DLGAP5: variants seen among roughly 807,000 people sequenced by gnomAD.
DLGAP5 encodes the protein disks large-associated protein 5.
A neutral mutation model predicts 99.6 loss-of-function variants in DLGAP5; 90 were observed. The observed-to-expected ratio is 0.90, with a 90% CI of 0.76 to 1.08. The LOEUF (loss-of-function observed/expected upper bound fraction) is 1.08, where lower values mean the gene tolerates loss of function less well. DLGAP5 is among the 50% of genes least tolerant of loss of function. The pLI, the probability that DLGAP5 is intolerant of heterozygous loss-of-function variation, is 0.00. For synonymous variants in DLGAP5, 311 were observed against 321.3 expected, an observed-to-expected ratio of 0.97 and a Z score of 0.34; for missense variants, 1,036 against 983.5, an observed-to-expected ratio of 1.05 and a Z score of -0.71.
intron 13 of DLGAP5, 92 bp from the exon 14 acceptor site, chr14:55,158,833 T>C: frequency 6.9e-6 from 6 of 863,426 alleles, no homozygotes; most frequent in Non-Finnish European, 8.8e-6. Flanking sequence ...AAAAATTTAA[T>C]TTTTAAAAAT....
At chr14:55,188,887 A>T in intron 2 of DLGAP5, 55 bp downstream of exon 2, 1 of 1,411,482 alleles carries the variant, frequency 7.1e-7, no homozygotes, top group Non-Finnish European at 9.8e-7. Flanking sequence ...CAGGCATTAA[A>T]CCAACTATTA....
rs757766430 is a variant in DLGAP5 at position 55,189,043 on chromosome 14, C to G, written c.137G>C (p.Gly46Ala). ...HKEYERNRHFGLKDVNIPTLE... is the reference protein window; with the variant it reads ...HKEYERNRHFALKDVNIPTLE... ...GGTTGGAATGTTTACATCTTTCAAA[C>G]CAAAGTGTCTATTTCGTTCGTATTC... The change falls in exon 2 of 19, where the codon GGT becomes GCT. Residue 46 changes from glycine to alanine, a missense_variant. By Grantham distance (60) the Gly-to-Ala change is moderately conservative. Coordinates refer to ENST00000247191, the MANE Select transcript of DLGAP5 (RefSeq NM_014750.5). 4 of 1,613,910 alleles carry G rather than the reference C, an allele frequency of 2.5e-6. No homozygotes were observed. In the East Asian group the frequency reaches 8.9e-5, roughly 36 times the overall value.
chr14:55,161,874 CAAAAAAAA>C (rs34002442), intron 13 of DLGAP5, among the ~76,000 whole-genome samples: 34 of 37,954 alleles, frequency 9.0e-4, no homozygotes, highest in African/African-American at 2.3e-3. Flanking sequence ...AACTCTGTCT[CAAAAAAAA>C]AAAAAAAAAA....
intron 16 of DLGAP5, 116 bp downstream of exon 16, chr14:55,152,474 C>A (rs936400359): frequency 3.8e-5 from 27 of 711,078 alleles, no homozygotes; most frequent in Non-Finnish European, 5.5e-5. Flanking sequence ...TACAATTCTA[C>A]ATGACTGATT....
At chr14:55,181,596 C>G in intron 4 of DLGAP5, among the ~76,000 whole-genome samples, 1 of 152,164 alleles carries the variant, frequency 6.6e-6, no homozygotes, top group Non-Finnish European at 1.5e-5. Context: ...GACATACTTT[C>G]ACTTCAAGAC....
At chr14:55,170,321 C>A (rs1332789471) in intron 11 of DLGAP5, among the ~76,000 whole-genome samples, 1 of 149,574 alleles carries the variant, frequency 6.7e-6, no homozygotes, top group African/African-American at 2.6e-5. Flanking sequence ...AATTTTCATT[C>A]AGAGTATATT....
At position 55,175,492 on chromosome 14, in the gene DLGAP5, TTACATA is replaced by T; in HGVS notation, c.1175-26_1175-21del. On this transcript the variant is annotated intron_variant, in intron 9 of 18. Transcript: ENST00000247191. ...CATGTTCTATAAATTAAAGAAAATCTTACATATAAATTTCAAAGCAACAATTCCTAA... is the reference window on the plus strand; with the variant it reads ...CATGTTCTATAAATTAAAGAAAATCTTAAATTTCAAAGCAACAATTCCTAA... The T allele has an allele frequency of 8.5e-7, 1 of 1,176,974 alleles. No individual in the cohort carries two copies. Among genetic ancestry groups the T allele is most frequent in the Non-Finnish European group, 1.2e-6 (1 of 828,410 alleles). 72.9% of individuals were successfully genotyped at this position (1,176,974 alleles called of 1,614,324 possible).
At chr14:55,181,806 T>A (rs954403824) in intron 4 of DLGAP5, among the ~76,000 whole-genome samples, 1 of 152,176 alleles carries the variant, frequency 6.6e-6, no homozygotes, top group Non-Finnish European at 1.5e-5. Flanking sequence ...ATAATACTTA[T>A]CATCTTCTGG....
chr14:55,181,270 T>G lies in DLGAP5; in HGVS notation c.523A>C (p.Ile175Leu), dbSNP rs1883264509. The G allele has an allele frequency of 6.2e-7, 1 of 1,614,164 alleles. No individual in the cohort carries two copies. The highest frequency in any genetic ancestry group is 8.5e-7 in the Non-Finnish European group (1 of 1,180,026). ...GAAGTTTGTCTTGGACCAGGTCGGA[T>G]TGCTCGAACATCACTCTCGTTATCA... is the stretch of plus-strand genomic sequence containing the variant. ...KIDNESDVRA[I>L]RPGPRQTSEK... The change falls in exon 5 of 19, where the codon ATC becomes CTC. Residue 175 changes from isoleucine (I) to leucine (L), a missense_variant. By Grantham distance (5) the Ile-to-Leu change is conservative. Transcript: ENST00000247191.
At chr14:55,153,968 A>G (rs989063965) in intron 15 of DLGAP5, among the ~76,000 whole-genome samples, 2 of 152,144 alleles carry the variant, frequency 1.3e-5, no homozygotes, top group Non-Finnish European at 2.9e-5. Context: ...AGGCAGAAGA[A>G]TCGCTTGAAC....
chr14:55,175,620 A>G (rs1471148108), intron 9 of DLGAP5, 148 bp from the exon 10 acceptor site: 1 of 649,136 alleles, frequency 1.5e-6, no homozygotes, highest in Non-Finnish European at 2.6e-6. Flanking sequence ...CCTCTAAAGT[A>G]GCTCTCAATA....
Position 55,154,820 on chromosome 14 carries a change from G to A in DLGAP5, c.1874-14C>T. 1.9e-6 allele frequency: 3 copies of A among 1,610,096 alleles called. No homozygotes were observed. The highest frequency in any genetic ancestry group is 2.5e-6 in the Non-Finnish European group (3 of 1,177,828). On this transcript the variant is annotated splice_polypyrimidine_tract_variant and intron_variant, in intron 14 of 18. Transcript: ENST00000247191. The stretch of plus-strand genomic sequence containing the variant: ...AGACAGAAAGTCCTAGAAGATGAGA[G>A]AAATCACCTCAATACCAAATAGTTC...
Position 55,175,370 on chromosome 14 carries a change from G to A in DLGAP5, c.1277C>T (p.Pro426Leu), listed in dbSNP as rs1883023094. ...LERNEGRIAQ[P>L]HHGVPYFRNI... is the part of the protein sequence containing the mutation. The stretch of plus-strand genomic sequence containing the variant: ...CCTGAAATATGGCACACCATGGTGG[G>A]GCTGAGCAATTCGACCTTCATTTCT... The change falls in exon 10 of 19, where the codon CCC (proline) becomes CTC (leucine). Residue 426 changes from proline to leucine, a missense_variant. By Grantham distance (98) the Pro-to-Leu change is moderately conservative. Coordinates refer to ENST00000247191, the MANE Select transcript of DLGAP5 (RefSeq NM_014750.5). 5 of 1,610,218 alleles carry A rather than the reference G, an allele frequency of 3.1e-6. No individual in the cohort carries two copies. In the East Asian group the frequency reaches 1.1e-4, roughly 36 times the overall value.
chr14:55,181,632 TCTC>T (rs1462357379), intron 4 of DLGAP5, among the ~76,000 whole-genome samples: 2 of 152,144 alleles, frequency 1.3e-5, no homozygotes, highest in African/African-American at 4.8e-5. Context: ...AGAAAATACT[TCTC>T]CTGGATAAAA....
intron 12 of DLGAP5, among the ~76,000 whole-genome samples, chr14:55,166,514 G>A (rs1197585846): frequency 1.3e-5 from 2 of 152,036 alleles, no homozygotes; most frequent in Non-Finnish European, 2.9e-5. Context: ...TGGATCACTT[G>A]AGGTCAGGAG....
chr14:55,179,780 G>C, intron 6 of DLGAP5, 81 bp from the exon 7 acceptor site: 3 of 1,126,784 alleles, frequency 2.7e-6, no homozygotes, highest in Non-Finnish European at 3.9e-6. Context: ...AGGAAAAGAA[G>C]CAACAGTAGG....
intron 10 of DLGAP5, among the ~76,000 whole-genome samples, chr14:55,172,463 CTTTATT>C (rs886585965): frequency 9.2e-5 from 8 of 86,610 alleles, no homozygotes; most frequent in Non-Finnish European, 2.3e-4. Flanking sequence ...GTACAAAATT[CTTTATT>C]TTTATTTTTT....
chr14:55,159,126 C>T (rs1232609038), intron 13 of DLGAP5, among the ~76,000 whole-genome samples: 2 of 147,168 alleles, frequency 1.4e-5, no homozygotes, highest in South Asian at 4.3e-4. Context: ...AAGGATGACA[C>T]CTAAACCAAT....
chr14:55,158,805 A>C, intron 13 of DLGAP5, 64 bp from the exon 14 acceptor site: 2 of 1,163,024 alleles, frequency 1.7e-6, no homozygotes, highest in Non-Finnish European at 2.5e-6. Flanking sequence ...ACACACAACA[A>C]ACACAAATTC....
Sources: gnomAD v4.1 joint callset for allele counts (sites outside exome capture counted in the v4.1 genomes callset) on GRCh38, gnomAD v4.1.1 for gene constraint, MANE v1.5 for transcripts, NCBI Gene and HGNC (gene_info 2026-07-23, HGNC 2026-07-21) for gene names.